LHFPL6: variants seen among roughly 807,000 people sequenced by gnomAD.
The protein encoded by LHFPL6 is LHFPL tetraspan subfamily member 6 protein.
Under a neutral mutation model 20.6 loss-of-function variants are expected in LHFPL6, and 9 were observed. That is an observed-to-expected ratio of 0.44 (90% CI 0.26 to 0.76). LHFPL6 has a LOEUF of 0.76. Among genes scored for constraint, LHFPL6 ranks in the 30% least tolerant of loss-of-function variants. The pLI, the probability that LHFPL6 is intolerant of heterozygous loss-of-function variation, is 0.20. For missense variants in LHFPL6, 218 were observed against 253.5 expected (o/e 0.86, Z 0.95); for synonymous variants, 105 against 98.7 (o/e 1.06, Z -0.38).
At chr13:39,557,741 G>C (rs537170782) in intron 2 of LHFPL6, among the ~76,000 whole-genome samples, 1 of 152,184 alleles carries the variant, frequency 6.6e-6, no homozygotes, top group Non-Finnish European at 1.5e-5. Context: ...GGGAGGTGTC[G>C]GATAGTAACA....
chr13:39,512,082 T>C (rs188303106), intron 2 of LHFPL6, among the ~76,000 whole-genome samples: 1 of 152,336 alleles, frequency 6.6e-6, no homozygotes. Flanking sequence ...TTTAATACTT[T>C]ATTTGTAATT....
intron 2 of LHFPL6, among the ~76,000 whole-genome samples, chr13:39,564,447 T>C (rs1217696901): frequency 6.6e-6 from 1 of 152,184 alleles, no homozygotes; most frequent in Non-Finnish European, 1.5e-5. Context: ...TGCATCTTCA[T>C]ATTTCTAAAC....
At chr13:39,429,062 T>C (rs1871720885) in intron 2 of LHFPL6, among the ~76,000 whole-genome samples, 1 of 152,176 alleles carries the variant, frequency 6.6e-6, no homozygotes, top group African/African-American at 2.4e-5. Context: ...CTGAGACTTG[T>C]TTTATCATAC....
At chr13:39,376,042 G>A (rs1870287120) in intron 3 of LHFPL6, among the ~76,000 whole-genome samples, 2 of 152,108 alleles carry the variant, frequency 1.3e-5, no homozygotes, top group Admixed American at 6.5e-5. Flanking sequence ...ATTTTTCAAC[G>A]TTTAGTTTGA....
chr13:39,586,229 AGT>A (rs1392967084), intron 2 of LHFPL6, among the ~76,000 whole-genome samples: 2 of 152,136 alleles, frequency 1.3e-5, no homozygotes, highest in Admixed American at 6.5e-5. Flanking sequence ...AGAAAAAAAG[AGT>A]GTCTTTTTGT....
At chr13:39,501,795 G>A (rs1869303421) in intron 2 of LHFPL6, among the ~76,000 whole-genome samples, 1 of 152,170 alleles carries the variant, frequency 6.6e-6, no homozygotes, top group East Asian at 1.9e-4. Context: ...TCAAAAGCTT[G>A]ACAAGAGGCT....
intron 2 of LHFPL6, among the ~76,000 whole-genome samples, chr13:39,529,814 G>C (rs1431259079): frequency 6.6e-6 from 1 of 152,168 alleles, no homozygotes; most frequent in African/African-American, 2.4e-5. Context: ...TTTTGGACTT[G>C]CATTTATAAT....
intron 2 of LHFPL6, among the ~76,000 whole-genome samples, chr13:39,596,987 G>A (rs989681877): frequency 1.3e-5 from 2 of 152,148 alleles, no homozygotes; most frequent in Non-Finnish European, 2.9e-5. Context: ...AGGCAATGAC[G>A]CTTTCATAAC....
At chr13:39,577,830 G>A (rs958295921) in intron 2 of LHFPL6, among the ~76,000 whole-genome samples, 2 of 151,566 alleles carry the variant, frequency 1.3e-5, no homozygotes, top group Admixed American at 6.6e-5. Context: ...TAGTAGAGAC[G>A]GAGTTTCACC....
intron 2 of LHFPL6, among the ~76,000 whole-genome samples, chr13:39,587,921 T>G (rs1419624810): frequency 6.6e-6 from 1 of 151,978 alleles, no homozygotes; most frequent in East Asian, 1.9e-4. Flanking sequence ...CCCACGAAAC[T>G]GCACAAGGAA....
intron 3 of LHFPL6, among the ~76,000 whole-genome samples, chr13:39,365,895 G>C (rs1002433815): frequency 1.3e-5 from 2 of 152,190 alleles, no homozygotes; most frequent in Non-Finnish European, 2.9e-5. Context: ...AGAATAGTGA[G>C]GGCACAGATG....
chr13:39,557,060 G>A (rs1871326938), intron 2 of LHFPL6, among the ~76,000 whole-genome samples: 1 of 152,200 alleles, frequency 6.6e-6, no homozygotes, highest in Non-Finnish European at 1.5e-5. Flanking sequence ...ACACTAAGGA[G>A]CAACCACCTG....
chr13:39,506,009 G>T (rs1373201267), intron 2 of LHFPL6, among the ~76,000 whole-genome samples: 1 of 152,108 alleles, frequency 6.6e-6, no homozygotes, highest in African/African-American at 2.4e-5. Flanking sequence ...ACTCAACTCA[G>T]ATAAAGCCTG....
chr13:39,377,517 C>A (rs1475389976), intron 3 of LHFPL6, among the ~76,000 whole-genome samples: 1 of 152,092 alleles, frequency 6.6e-6, no homozygotes, highest in Non-Finnish European at 1.5e-5. Context: ...CTCATCATAA[C>A]ATGTCTTAAA....
intron 2 of LHFPL6, among the ~76,000 whole-genome samples, chr13:39,577,947 C>A (rs772560498): frequency 6.6e-6 from 1 of 151,876 alleles, no homozygotes; most frequent in South Asian, 2.1e-4. Context: ...ATGAGCCCAG[C>A]CCCAACAACT....
chr13:39,601,262 A>G lies in LHFPL6; in HGVS notation c.-46T>C. 6.5e-7 allele frequency: 1 copy of G among 1,545,424 alleles called. No individual in the cohort carries two copies. The highest frequency in any genetic ancestry group is 8.7e-7 in the Non-Finnish European group (1 of 1,144,446). On this transcript the variant is annotated 5_prime_UTR_variant, in exon 2 of 4. Coordinates refer to ENST00000379589, the MANE Select transcript of LHFPL6 (RefSeq NM_005780.3). ...GAGGACCCCAAGTAAGTGTTCAGGG[A>G]CTGCAGGAGTGAATGAAGGTGTGAA...
chr13:39,518,453 T>C (rs1354426929), intron 2 of LHFPL6, among the ~76,000 whole-genome samples: 7 of 152,234 alleles, frequency 4.6e-5, no homozygotes, highest in Admixed American at 4.6e-4. Flanking sequence ...TCAACTTATA[T>C]GTAGAATGTG....
At chr13:39,453,734 C>G (rs1872506014) in intron 2 of LHFPL6, among the ~76,000 whole-genome samples, 1 of 152,184 alleles carries the variant, frequency 6.6e-6, no homozygotes. Context: ...GTAGTCCATT[C>G]ATTTGTTCTT....
At chr13:39,475,283 T>TA (rs1873056124) in intron 2 of LHFPL6, among the ~76,000 whole-genome samples, 1 of 152,178 alleles carries the variant, frequency 6.6e-6, no homozygotes, top group African/African-American at 2.4e-5. Flanking sequence ...GCCTTGCTTA[T>TA]CATGTGTAGA....
Sources: allele counts gnomAD v4.1 joint callset (sites outside exome capture counted in the v4.1 genomes callset), GRCh38; gene constraint gnomAD v4.1.1; transcripts MANE v1.5; gene names NCBI Gene and HGNC (gene_info 2026-07-23, HGNC 2026-07-21).